EXT1: variants seen among roughly 807,000 people sequenced by gnomAD.
EXT1 encodes the protein exostosin-1.
A neutral mutation model predicts 82.5 loss-of-function variants in EXT1; 20 were observed. The observed-to-expected ratio is 0.24, with a 90% CI of 0.17 to 0.35. EXT1 has a LOEUF of 0.35. Ranked by LOEUF, EXT1 falls within the 10% of genes least tolerant of loss-of-function variation. The pLI, the probability that EXT1 is intolerant of heterozygous loss-of-function variation, is 1.00. For synonymous variants in EXT1, 348 were observed against 350.8 expected (o/e 0.99, Z 0.09); for missense variants, 757 against 936.5 (o/e 0.81, Z 2.50).
At chr8:117,815,288 T>C (rs1811785350) in intron 7 of EXT1, among the ~76,000 whole-genome samples, 1 of 152,186 alleles carries the variant, frequency 6.6e-6, no homozygotes, top group Non-Finnish European at 1.5e-5. Context: ...GCAGCAAATA[T>C]ATTGCTTCTA....
At chr8:118,086,045 A>G (rs1817412030) in intron 1 of EXT1, among the ~76,000 whole-genome samples, 1 of 152,200 alleles carries the variant, frequency 6.6e-6, no homozygotes, top group African/African-American at 2.4e-5. Flanking sequence ...TTTTTTTAGT[A>G]AGGAAAAGCA....
At chr8:117,971,298 C>T (rs1404236260) in intron 1 of EXT1, among the ~76,000 whole-genome samples, 1 of 152,170 alleles carries the variant, frequency 6.6e-6, no homozygotes, top group African/African-American at 2.4e-5. Flanking sequence ...CTCCCCTGCC[C>T]TCAAAGCCTT....
chr8:117,937,355 A>G (rs992234567), intron 1 of EXT1, among the ~76,000 whole-genome samples: 4 of 152,240 alleles, frequency 2.6e-5, no homozygotes, highest in African/African-American at 9.6e-5. Context: ...GACACAATCC[A>G]TAAAAATATT....
chr8:117,852,341 C>T (rs1055727824), intron 1 of EXT1, among the ~76,000 whole-genome samples: 2 of 152,154 alleles, frequency 1.3e-5, no homozygotes, highest in African/African-American at 4.8e-5. Flanking sequence ...GTCTTCTAAC[C>T]AAAGATGTGC....
intron 1 of EXT1, among the ~76,000 whole-genome samples, chr8:117,848,960 G>A (rs1340805636): frequency 2.6e-5 from 4 of 152,050 alleles, no homozygotes; most frequent in Non-Finnish European, 4.4e-5. Flanking sequence ...CACCTTGGCC[G>A]ACTGGGTCCC....
intron 1 of EXT1, among the ~76,000 whole-genome samples, chr8:117,876,293 A>C (rs1054835616): frequency 6.6e-6 from 1 of 152,236 alleles, no homozygotes; most frequent in Admixed American, 6.5e-5. Context: ...GAGACAGAGA[A>C]ACAAGGAGTA....
intron 1 of EXT1, among the ~76,000 whole-genome samples, chr8:118,086,355 T>C (rs1817417265): frequency 6.6e-6 from 1 of 152,192 alleles, no homozygotes; most frequent in Admixed American, 6.5e-5. Flanking sequence ...GAAAATGCCT[T>C]CTAGTCTAAG....
chr8:118,053,362 T>G (rs1816748378), intron 1 of EXT1, among the ~76,000 whole-genome samples: 1 of 152,162 alleles, frequency 6.6e-6, no homozygotes, highest in South Asian at 2.1e-4. Context: ...TAACATCCAC[T>G]TCATGCCCTT....
chr8:117,885,617 A>G (rs1219419032), intron 1 of EXT1, among the ~76,000 whole-genome samples: 1 of 152,174 alleles, frequency 6.6e-6, no homozygotes, highest in Non-Finnish European at 1.5e-5. Flanking sequence ...AGGAGGGGAA[A>G]CTATTTCTTG....
At chr8:117,978,246 CAA>C (rs1422323785) in intron 1 of EXT1, among the ~76,000 whole-genome samples, 1 of 152,200 alleles carries the variant, frequency 6.6e-6, no homozygotes, top group Non-Finnish European at 1.5e-5. Context: ...GAATGTCTGG[CAA>C]ACTTTTGCTC....
chr8:117,812,958 T>C lies in EXT1; in HGVS notation c.1636A>G (p.Met546Val). The stretch of plus-strand genomic sequence containing the variant: ...TCGTAGGGCAGAAAACGGCTGCTCA[T>C]AACCTGGGAGGAAGTAGAAGTAGGC... ...VVVIEGESKV[M>V]SSRFLPYDNI... Residue 546 changes from methionine to valine, a missense_variant, in exon 8 of 11, where the codon ATG (methionine) becomes GTG (valine). Around this residue, in one of 4 missense-constraint regions of EXT1, gnomAD observed 207 missense variants for 224.2 expected, o/e 0.92. Coordinates refer to ENST00000378204, the MANE Select transcript of EXT1 (RefSeq NM_000127.3). The C allele has an allele frequency of 6.2e-7, 1 of 1,613,536 alleles. No individual in the cohort carries two copies. The highest frequency in any genetic ancestry group is 8.5e-7 in the Non-Finnish European group (1 of 1,179,800).
chr8:118,001,329 CGTGT>C, intron 1 of EXT1, among the ~76,000 whole-genome samples: 1 of 152,090 alleles, frequency 6.6e-6, no homozygotes, highest in Admixed American at 6.5e-5. Context: ...TGGTTACAGG[CGTGT>C]GCCACCAGGC....
chr8:118,007,741 A>G (rs1815808931), intron 1 of EXT1, among the ~76,000 whole-genome samples: 1 of 152,218 alleles, frequency 6.6e-6, no homozygotes, highest in Non-Finnish European at 1.5e-5. Context: ...CTTGTTTGGG[A>G]AGATAAGAAA....
At chr8:117,962,468 A>G (rs1331311170) in intron 1 of EXT1, among the ~76,000 whole-genome samples, 1 of 151,948 alleles carries the variant, frequency 6.6e-6, no homozygotes, top group Non-Finnish European at 1.5e-5. Flanking sequence ...ATTAGCCAAG[A>G]ATGGCTGGGC....
At chr8:117,899,262 T>G (rs1027286322) in intron 1 of EXT1, among the ~76,000 whole-genome samples, 2 of 152,218 alleles carry the variant, frequency 1.3e-5, no homozygotes, top group African/African-American at 4.8e-5. Context: ...AAGGTGAGTT[T>G]TTAAAAATAC....
chr8:117,814,144 A>T (rs1458948690), intron 7 of EXT1, among the ~76,000 whole-genome samples: 1 of 152,040 alleles, frequency 6.6e-6, no homozygotes, highest in African/African-American at 2.4e-5. Context: ...CATATGATCC[A>T]TGGATTTAGA....
chr8:118,062,037 G>C (rs1421689967), intron 1 of EXT1, among the ~76,000 whole-genome samples: 1 of 152,090 alleles, frequency 6.6e-6, no homozygotes, highest in Non-Finnish European at 1.5e-5. Context: ...AAAATGGCTT[G>C]CAATGGTACA....
At position 118,111,270 on chromosome 8, in the gene EXT1, A is replaced by G; in HGVS notation, c.-224T>C. The G allele has an allele frequency of 1.5e-6, 1 of 682,618 alleles. No individual in the cohort carries two copies. Among genetic ancestry groups the G allele is most frequent in the Non-Finnish European group, 2.5e-6 (1 of 397,600 alleles). 42.3% of individuals were successfully genotyped at this position (682,618 alleles called of 1,614,324 possible). On this transcript the variant is annotated 5_prime_UTR_variant, in exon 1 of 11. Transcript: ENST00000378204. ...CGGTCTTTCATCTTTGGGTTGCACA[A>G]TGCACGGGAGAGAGCGGGGCTGAAT...
intron 1 of EXT1, among the ~76,000 whole-genome samples, chr8:117,913,837 T>C (rs1813697692): frequency 6.6e-6 from 1 of 152,206 alleles, no homozygotes; most frequent in Non-Finnish European, 1.5e-5. Context: ...AATGAACAAC[T>C]CATTCCAGTG....
Sources: gnomAD v4.1 joint callset for allele counts (sites outside exome capture counted in the v4.1 genomes callset) on GRCh38, gnomAD v4.1.1 for gene constraint, gnomAD v4.1.1 regional missense constraint, MANE v1.5 for transcripts, NCBI Gene and HGNC (gene_info 2026-07-23, HGNC 2026-07-21) for gene names.